Variants in USP36 observed in about 807,000 individuals in gnomAD.
The protein encoded by USP36 is ubiquitin carboxyl-terminal hydrolase 36.
A neutral mutation model predicts 111.5 loss-of-function variants in USP36; 59 were observed. That is an observed-to-expected ratio of 0.53 (90% CI 0.43 to 0.66). The LOEUF (loss-of-function observed/expected upper bound fraction) is 0.66. Ranked by LOEUF, USP36 falls within the 30% of genes least tolerant of loss-of-function variation. The pLI is 0.00. For missense variants in USP36, 1,488 were observed against 1,468.0 expected, an observed-to-expected ratio of 1.01 and a Z score of -0.22; for synonymous variants, 628 against 581.0, an observed-to-expected ratio of 1.08 and a Z score of -1.16.
At chr17:78,835,688 C>T (rs558606808) in intron 3 of USP36, among the ~76,000 whole-genome samples, 187 bp from the exon 4 acceptor site, 5 of 152,310 alleles carry the variant, frequency 3.3e-5, no homozygotes, top group Non-Finnish European at 7.4e-5. Context: ...AGCCATCCCA[C>T]GGACCTCCTA....
Position 78,836,111 on chromosome 17 carries a change from C to A in USP36, c.253G>T (p.Gly85Cys), listed in dbSNP as rs775449344. The stretch of plus-strand genomic sequence containing the variant: ...CTGCCAGCACACTGCACATCTGTAC[C>A]CTGTCTCCTGGCCGGTGGGTCATCT... ...SGDDPPARRQ[G>C]SEHTYESCGD... Residue 85 changes from glycine (G) to cysteine (C), a missense_variant and splice_region_variant, in exon 3 of 21, where the codon GGC (glycine) becomes TGC (cysteine). Gly to Cys is a radical substitution (Grantham distance 159). Around this residue, in one of 3 missense-constraint regions of USP36, gnomAD observed 219 missense variants for 209.5 expected, o/e 1.05. Coordinates refer to ENST00000449938, the MANE Select transcript of USP36 (RefSeq NM_001385174.1). 10 of 1,613,106 alleles carry A rather than the reference C, an allele frequency of 6.2e-6. No homozygotes were observed. Among genetic ancestry groups the A allele is most frequent in the Non-Finnish European group, 8.5e-6 (10 of 1,180,024 alleles).
At chr17:78,823,115 T>C (rs2094370457) in intron 6 of USP36, 1 of 398,750 alleles carries the variant, frequency 2.5e-6, no homozygotes, top group Non-Finnish European at 4.4e-6. Context: ...CTATTTACCA[T>C]GGCACTTCCC....
intron 8 of USP36, among the ~76,000 whole-genome samples, chr17:78,820,592 G>C (rs553824696): frequency 6.6e-6 from 1 of 152,326 alleles, no homozygotes; most frequent in East Asian, 1.9e-4. Flanking sequence ...AGCAAAGGCA[G>C]ACCACCCTCC....
rs201194252 is a variant in USP36, at chr17:78,798,424, C to T, written c.3368G>A (p.Arg1123His). The part of the protein sequence containing the change: ...PAKAASLSYR[R>H] ...CCTCCTTCCACAGGGGCACAGTCAG[C>T]GGCGATAGCTGAGGCTGGCAGCCTT... Residue 1123 changes from arginine (R) to histidine (H), a missense_variant, in exon 20 of 21, where the codon CGC becomes CAC. Coordinates refer to ENST00000449938, the MANE Select transcript of USP36 (RefSeq NM_001385174.1). This position sits in a 1 kb window ranked among gnomAD's most constrained non-coding sequence, Gnocchi z 5.1. 286 of 1,614,106 alleles carry T rather than the reference C, an allele frequency of 1.8e-4. No individual in the cohort carries two copies. Among genetic ancestry groups the T allele is most frequent in the South Asian group, 3.3e-5 (3 of 91,084 alleles).
At chr17:78,834,420 C>T (rs1369012052) in intron 4 of USP36, among the ~76,000 whole-genome samples, 1 of 151,972 alleles carries the variant, frequency 6.6e-6, no homozygotes, top group Non-Finnish European at 1.5e-5. Flanking sequence ...GAGCACACCA[C>T]CACATCCAGC....
At chr17:78,818,033 G>T (rs12103728) in intron 10 of USP36, among the ~76,000 whole-genome samples, 19,196 of 152,110 alleles carry the variant, frequency 0.13, 2,889 homozygotes, top group African/African-American at 0.37. Flanking sequence ...TGTAGTGAGC[G>T]CTGATTATGC....
rs1260892871 is a variant in USP36 at position 78,819,972 on chromosome 17, T to G, written c.869A>C (p.Lys290Thr). ...ATTCTCTCCACTCAGGACATCTGCT[T>G]TCACAAAAAGTTCCAGAGCACGCAC... ...NIVRALELFV[K>T]ADVLSGENAY... The change falls in exon 9 of 21, where the codon AAA becomes ACA. Residue 290 changes from lysine to threonine, a missense_variant. Around this residue, in one of 3 missense-constraint regions of USP36, gnomAD observed 196 missense variants for 264.4 expected, o/e 0.74. Coordinates refer to ENST00000449938, the MANE Select transcript of USP36 (RefSeq NM_001385174.1). 3.7e-6 allele frequency: 6 copies of G among 1,614,162 alleles called. No individual in the cohort carries two copies. Among genetic ancestry groups the G allele is most frequent in the Non-Finnish European group, 4.2e-6 (5 of 1,180,016 alleles).
chr17:78,829,819 C>A (rs539933650), intron 4 of USP36, among the ~76,000 whole-genome samples: 20 of 152,196 alleles, frequency 1.3e-4, no homozygotes, highest in Non-Finnish European at 2.6e-4. Flanking sequence ...TGGCTCACTG[C>A]AACCTCCGCC....
intron 13 of USP36, among the ~76,000 whole-genome samples, chr17:78,809,903 G>A (rs1469169937): frequency 6.6e-6 from 1 of 151,926 alleles, no homozygotes; most frequent in Non-Finnish European, 1.5e-5. Flanking sequence ...CTGGAGTGCA[G>A]TGGCACAATC....
chr17:78,826,815 T>C (rs965288779), intron 6 of USP36: 2 of 456,900 alleles, frequency 4.4e-6, no homozygotes, highest in Non-Finnish European at 8.0e-6. Context: ...TTTGTACATA[T>C]ACATGTACAT....
At chr17:78,793,875 T>C (rs2093602775), downstream of USP36, among the ~76,000 whole-genome samples, 1 of 152,128 alleles carries the variant, frequency 6.6e-6, no homozygotes, top group Non-Finnish European at 1.5e-5. Context: ...CACTGCCTAC[T>C]TCCCATGCCT....
intron 6 of USP36, among the ~76,000 whole-genome samples, chr17:78,824,050 C>T (rs2067309078): frequency 6.6e-6 from 1 of 152,224 alleles, no homozygotes; most frequent in Admixed American, 6.5e-5. Context: ...CCAAGCCGAA[C>T]GTCCTCAACA....
rs567415046 is a variant in USP36 at position 78,820,845 on chromosome 17, A to G, written c.828+146T>C. On this transcript the variant is annotated intron_variant, in intron 8 of 20. Coordinates refer to ENST00000449938, the MANE Select transcript of USP36 (RefSeq NM_001385174.1). The stretch of plus-strand genomic sequence containing the variant: ...ACTCTAGAAAAAAACAGGTAAAGAC[A>G]ATGGTCTGTACTGCAAGGCGGCAGG... 5 of 816,848 alleles carry G rather than the reference A, an allele frequency of 6.1e-6. No homozygotes were observed. The African/African-American group carries it at 6.8e-5, about 11-fold the overall frequency. The allele number at this position is 816,848 out of a possible 1,614,324, so 50.6% of individuals were successfully genotyped here.
chr17:78,794,301 T>C (rs2093605761), downstream of USP36, among the ~76,000 whole-genome samples: 1 of 152,196 alleles, frequency 6.6e-6, no homozygotes, highest in Non-Finnish European at 1.5e-5. Context: ...AAAAAGCACA[T>C]CAGACCTTGG....
chr17:78,801,222 C>T (rs989819379), intron 17 of USP36, among the ~76,000 whole-genome samples: 40 of 152,224 alleles, frequency 2.6e-4, no homozygotes, highest in African/African-American at 8.2e-4. Context: ...GTGATCCGCC[C>T]GCCTCGGCCT....
In USP36 at chr17:78,821,068, C is replaced by A. The variant is rs371941904; in HGVS notation, c.758-7G>T. On this transcript the variant is annotated splice_region_variant and splice_polypyrimidine_tract_variant and intron_variant, in intron 7 of 20. Transcript: ENST00000449938. Reference sequence around the variant, plus strand: ...TTGCACACGGAGCACTTCACTGCAACAGAACAGAGGCAGTGGAGCAGGTGG... The same window carrying A: ...TTGCACACGGAGCACTTCACTGCAAAAGAACAGAGGCAGTGGAGCAGGTGG... 29 of 1,596,600 alleles carry A rather than the reference C, an allele frequency of 1.8e-5. No individual in the cohort carries two copies. Among genetic ancestry groups the A allele is most frequent in the Admixed American group, 3.4e-5 (2 of 58,232 alleles).
intron 14 of USP36, among the ~76,000 whole-genome samples, chr17:78,806,558 A>G (rs1354367449): frequency 1.3e-5 from 2 of 152,186 alleles, no homozygotes; most frequent in African/African-American, 2.4e-5. Context: ...GTGGCTGCCC[A>G]AGCTTCCTGC....
At chr17:78,808,157 C>A (rs1185049673) in intron 13 of USP36, among the ~76,000 whole-genome samples, 1 of 152,164 alleles carries the variant, frequency 6.6e-6, no homozygotes, top group Non-Finnish European at 1.5e-5. Flanking sequence ...TTTTTTCAAT[C>A]TTTTCTTCCA....
At chr17:78,822,546 T>C (rs1291739107) in intron 6 of USP36, among the ~76,000 whole-genome samples, 1 of 151,654 alleles carries the variant, frequency 6.6e-6, no homozygotes, top group Non-Finnish European at 1.5e-5. Flanking sequence ...GACAGCGGAG[T>C]CAGACGTGGG....
Sources: allele counts gnomAD v4.1 joint callset (sites outside exome capture counted in the v4.1 genomes callset), GRCh38; gene constraint gnomAD v4.1.1; regional missense constraint gnomAD v4.1.1; non-coding constraint Gnocchi (gnomAD v3.1); transcripts MANE v1.5; gene names NCBI Gene and HGNC (gene_info 2026-07-23, HGNC 2026-07-21).